Variants in DDX19B observed in about 807,000 individuals in gnomAD.
DDX19B encodes the protein ATP-dependent RNA helicase DDX19B.
Under a neutral mutation model 58.1 loss-of-function variants are expected in DDX19B, and 27 were observed. The ratio of observed to expected loss-of-function variants is 0.46; its 90% CI spans 0.34 to 0.64. The LOEUF (loss-of-function observed/expected upper bound fraction) is 0.64, where lower values mean the gene tolerates loss of function less well. Ranked by LOEUF, DDX19B falls within the 30% of genes least tolerant of loss-of-function variation. The pLI is 0.01. For synonymous variants in DDX19B, 187 were observed against 214.4 expected (o/e 0.87, Z 1.12); for missense variants, 399 against 596.5 (o/e 0.67, Z 3.45).
Position 70,314,775 on chromosome 16 carries a change from C to T in DDX19B, c.107-127C>T, listed in dbSNP as rs748551197. 64 of 881,834 alleles carry T rather than the reference C, an allele frequency of 7.3e-5. 1 individual carries two copies. Among genetic ancestry groups the T allele is most frequent in the East Asian group, 1.1e-4 (4 of 37,100 alleles). The allele number at this position is 881,834 out of a possible 1,614,324, so 54.6% of individuals were successfully genotyped here. ...CAATAAAATGTTTTTATCAGCGGCT[C>T]GGTTTCCTCATTTATTTTTTGCTCC... On this transcript the variant is annotated intron_variant, in intron 2 of 11. Transcript: ENST00000288071.
upstream of DDX19B, chr16:70,295,181 C>G: frequency 1.2e-6 from 1 of 804,632 alleles, no homozygotes; most frequent in East Asian, 3.7e-5. Flanking sequence ...ACTCTTCTTT[C>G]CACGCCCGCT....
intron 9 of DDX19B, among the ~76,000 whole-genome samples, chr16:70,331,325 G>C (rs1963468116): frequency 6.6e-6 from 1 of 152,024 alleles, no homozygotes; most frequent in Non-Finnish European, 1.5e-5. Context: ...AAGACTACAG[G>C]CACGAGCCAC....
chr16:70,324,995 G>A (rs1012418580), intron 6 of DDX19B, among the ~76,000 whole-genome samples: 1 of 152,158 alleles, frequency 6.6e-6, no homozygotes, highest in Admixed American at 6.6e-5. Flanking sequence ...AGGTTGCAGT[G>A]AGCTGAGATC....
chr16:70,291,104 CA>C (rs1290238020), upstream of DDX19B, among the ~76,000 whole-genome samples: 1 of 152,186 alleles, frequency 6.6e-6, no homozygotes, highest in African/African-American at 2.4e-5. Context: ...CATAGCTGCT[CA>C]CAAATAGTAA....
chr16:70,306,808 C>T (rs1011911513), intron 1 of DDX19B, among the ~76,000 whole-genome samples: 1 of 152,164 alleles, frequency 6.6e-6, no homozygotes, highest in African/African-American at 2.4e-5. Flanking sequence ...GCTTATATCA[C>T]AGTCAATTTT....
At chr16:70,317,695 C>T in intron 5 of DDX19B, 107 bp downstream of exon 5, 2 of 911,128 alleles carry the variant, frequency 2.2e-6, no homozygotes, top group East Asian at 5.9e-5. Context: ...TCCCAGCAAC[C>T]TGAGAGGCAA....
chr16:70,297,144 G>C (rs780472947), upstream of DDX19B, among the ~76,000 whole-genome samples: 9 of 152,118 alleles, frequency 5.9e-5, no homozygotes, highest in Admixed American at 1.3e-4. Context: ...TCAATCTCCT[G>C]ACCTCGTGAT....
At chr16:70,294,999 A>G, upstream of DDX19B, 6 of 1,377,008 alleles carry the variant, frequency 4.4e-6, no homozygotes, top group East Asian at 2.8e-5. Context: ...GGGTAGAGGA[A>G]TAACAATATT....
upstream of DDX19B, among the ~76,000 whole-genome samples, chr16:70,293,442 G>A (rs1329969151): frequency 6.7e-6 from 1 of 150,190 alleles, no homozygotes; most frequent in Non-Finnish European, 1.5e-5. Flanking sequence ...AGAAAGAAAT[G>A]GAAACAAGTG....
At chr16:70,315,145 G>A (rs1962305439) in intron 3 of DDX19B, among the ~76,000 whole-genome samples, 190 bp downstream of exon 3, 1 of 151,640 alleles carries the variant, frequency 6.6e-6, no homozygotes, top group Non-Finnish European at 1.5e-5. Flanking sequence ...GGGAGGCCGA[G>A]GTGGGCAGAT....
intron 1 of DDX19B, among the ~76,000 whole-genome samples, chr16:70,301,743 G>T (rs1961498206): frequency 7.0e-6 from 1 of 141,942 alleles, no homozygotes. Flanking sequence ...TGCCCAATTT[G>T]GAGTGCAGTA....
At position 70,299,330 on chromosome 16, in the gene DDX19B, C is replaced by A; in HGVS notation, c.33C>A (p.Asp11Glu). 1 of 1,608,566 alleles carries A rather than the reference C, an allele frequency of 6.2e-7. No individual in the cohort carries two copies. Among genetic ancestry groups the A allele is most frequent in the Non-Finnish European group, 8.5e-7 (1 of 1,177,878 alleles). The change falls in exon 1 of 12, where the codon GAC becomes GAA. Residue 11 changes from aspartate to glutamate, a missense_variant. Asp to Glu is a conservative substitution (Grantham distance 45). Transcript: ENST00000288071. ...CTGACTCATGGGCCCTGGCGGTGGA[C>A]GAGCAGGAAGCTGCGGCTGAGTCGG... Reference protein sequence around the residue: MATDSWALAVDEQEAAAESLS... With the variant: MATDSWALAVEEQEAAAESLS...
Position 70,304,318 on chromosome 16 carries a change from G to A in DDX19B, c.57+4964G>A, listed in dbSNP as rs544622505. 1.8e-4 allele frequency among the ~76,000 whole-genome samples: 27 copies of A among 150,432 alleles called. No individual in the cohort carries two copies. The East Asian group carries it at 4.9e-3, about 27-fold the overall frequency. On this transcript the variant is annotated intron_variant, in intron 1 of 11. Transcript: ENST00000288071. ...CCTCCCAAAGTGCTTGATTACAGGC[G>A]TGAGCCACCGTGCCTGGCCGAGGTT...
chr16:70,301,769 AATC>A (rs1961499272), intron 1 of DDX19B, among the ~76,000 whole-genome samples: 1 of 150,786 alleles, frequency 6.6e-6, no homozygotes, highest in Non-Finnish European at 1.5e-5. Flanking sequence ...TCACAGGCAG[AATC>A]ATAGTGTACT....
intron 5 of DDX19B, among the ~76,000 whole-genome samples, chr16:70,323,545 TCCCAA>T (rs1962966843): frequency 6.6e-6 from 1 of 151,986 alleles, no homozygotes; most frequent in African/African-American, 2.4e-5. Flanking sequence ...TGCCTCAGCC[TCCCAA>T]GGAGCTGGGA....
At chr16:70,300,638 TC>T (rs1218336449) in intron 1 of DDX19B, among the ~76,000 whole-genome samples, 3 of 152,136 alleles carry the variant, frequency 2.0e-5, no homozygotes, top group African/African-American at 7.2e-5. Context: ...CAAGTGATCC[TC>T]CCACCTCAGC....
At chr16:70,315,027 C>G (rs1388044575) in intron 3 of DDX19B, 72 bp downstream of exon 3, 1 of 1,516,294 alleles carries the variant, frequency 6.6e-7, no homozygotes, top group Non-Finnish European at 9.1e-7. Flanking sequence ...TATGAGGCTT[C>G]ATTTTTATAC....
At chr16:70,297,872 G>A (rs1046622070), upstream of DDX19B, among the ~76,000 whole-genome samples, 1 of 152,068 alleles carries the variant, frequency 6.6e-6, no homozygotes, top group African/African-American at 2.4e-5. Flanking sequence ...AGGCATGTGC[G>A]ACGACACCTG....
intron 1 of DDX19B, among the ~76,000 whole-genome samples, chr16:70,299,838 C>A (rs1029667847): frequency 4.6e-5 from 7 of 152,084 alleles, no homozygotes; most frequent in Admixed American, 3.3e-4. Flanking sequence ...GGCTCAGGGA[C>A]CATGTCTTTG....
Sources: gnomAD v4.1 joint callset for allele counts (sites outside exome capture counted in the v4.1 genomes callset) on GRCh38, gnomAD v4.1.1 for gene constraint, MANE v1.5 for transcripts, NCBI Gene and HGNC (gene_info 2026-07-23, HGNC 2026-07-21) for gene names.